The following TOP2A variants were observed in gnomAD, a reference collection of about 807,000 sequenced individuals.
TOP2A encodes DNA topoisomerase 2-alpha.
A neutral mutation model predicts 187.2 loss-of-function variants in TOP2A; 68 were observed. That is an observed-to-expected ratio of 0.36 (90% CI 0.30 to 0.44). The LOEUF is 0.44. TOP2A is among the 20% of genes least tolerant of loss of function. The probability of loss-of-function intolerance (pLI) is 1.00; values close to 1 mark genes in which losing one functional copy is unlikely to be tolerated. For missense variants in TOP2A, 1,196 were observed against 1,808.7 expected, an observed-to-expected ratio of 0.66 and a Z score of 6.14; for synonymous variants, 542 against 593.2, an observed-to-expected ratio of 0.91 and a Z score of 1.25.
At chr17:40,395,281 CAAAAAAA>C (rs755789593) in intron 29 of TOP2A, among the ~76,000 whole-genome samples, 161 bp downstream of exon 29, 1 of 54,856 alleles carries the variant, frequency 1.8e-5, no homozygotes, top group Admixed American at 1.9e-4. Flanking sequence ...GAAACTGTCT[CAAAAAAA>C]AAAAAAAAAA....
chr17:40,395,231 C>A (rs1411901458), intron 29 of TOP2A, among the ~76,000 whole-genome samples: 1 of 141,280 alleles, frequency 7.1e-6, no homozygotes, highest in Middle Eastern at 4.2e-3. Context: ...TGCAGTGAGC[C>A]GAGATTGTGC....
Position 40,400,334 on chromosome 17 carries a change from C to G in TOP2A, c.2875G>C (p.Glu959Gln). ...TTCACAGTGGTATCTGTATGGTATT[C>G]CCTATAGTCTGTTATGAGAGGAGGT... ...KTPPLITDYR[E>Q]YHTDTTVKFV... The change falls in exon 23 of 35, where the codon GAA (glutamate) becomes CAA (glutamine). Residue 959 changes from glutamate to glutamine, a missense_variant. Transcript: ENST00000423485. 1 of 1,613,446 alleles carries G rather than the reference C, an allele frequency of 6.2e-7. No individual in the cohort carries two copies. The highest frequency in any genetic ancestry group is 8.5e-7 in the Non-Finnish European group (1 of 1,179,786).
At chr17:40,391,447 A>C in intron 33 of TOP2A, 59 bp downstream of exon 33, 1 of 1,493,586 alleles carries the variant, frequency 6.7e-7, no homozygotes, top group Non-Finnish European at 9.0e-7. Context: ...ATTGAAATAG[A>C]CACGTGGAAA....
At chr17:40,397,030 A>C in intron 27 of TOP2A, among the ~76,000 whole-genome samples, 1 of 151,468 alleles carries the variant, frequency 6.6e-6, no homozygotes, top group East Asian at 1.9e-4. Flanking sequence ...CTATAGGCCC[A>C]CACCACCATG....
rs1401449422 is a variant in TOP2A, at chr17:40,400,193, C to CA, written c.3000+15dup. ...TATAAATTGAAACGTGTACATCTCACAAAACAAATACATACCATAGAGTTG... is the reference window on the plus strand; with the variant it reads ...TATAAATTGAAACGTGTACATCTCACAAAAACAAATACATACCATAGAGTTG... On this transcript the variant is annotated intron_variant, in intron 23 of 34. Coordinates refer to ENST00000423485, the MANE Select transcript of TOP2A (RefSeq NM_001067.4). The CA allele has an allele frequency of 3.1e-6, 5 of 1,612,804 alleles. No individual in the cohort carries two copies. The highest frequency in any genetic ancestry group is 4.2e-6 in the Non-Finnish European group (5 of 1,178,966).
chr17:40,417,851 G>C lies in TOP2A; in HGVS notation c.-60C>G, dbSNP rs1010543756. Reference sequence around the variant, plus strand: ...AGCGACTAAACAGGCAGGACCCCACGAGACCACCCCCGACCAAGCCGCTTC... The same window carrying C: ...AGCGACTAAACAGGCAGGACCCCACCAGACCACCCCCGACCAAGCCGCTTC... On this transcript the variant is annotated 5_prime_UTR_variant, in exon 1 of 35. Transcript: ENST00000423485. 6.2e-7 allele frequency: 1 copy of C among 1,607,336 alleles called. No individual in the cohort carries two copies. The highest frequency in any genetic ancestry group is 8.5e-7 in the Non-Finnish European group (1 of 1,176,746).
At chr17:40,416,688 G>A in intron 2 of TOP2A, 52 bp downstream of exon 2, 2 of 1,577,410 alleles carry the variant, frequency 1.3e-6, no homozygotes, top group African/African-American at 1.4e-5. Context: ...ACAGAAAGAA[G>A]AGTATCCATT....
At chr17:40,415,062 T>G (rs926673489) in intron 4 of TOP2A, among the ~76,000 whole-genome samples, 4 of 151,562 alleles carry the variant, frequency 2.6e-5, no homozygotes, top group Non-Finnish European at 4.4e-5. Context: ...CTCAACTTTT[T>G]TTTTTTTTTT....
rs1598616529 is a variant in TOP2A at position 40,407,962 on chromosome 17, T to C, written c.1500+5A>G. 3 of 1,610,044 alleles carry C rather than the reference T, an allele frequency of 1.9e-6. No individual in the cohort carries two copies. The highest frequency in any genetic ancestry group is 2.5e-6 in the Non-Finnish European group (3 of 1,178,138). ...TTAGATTCTGAAGATCGTCTTATATTCTACCTGCTTATGAGAAGCTTCTCG... is the reference window on the plus strand; with the variant it reads ...TTAGATTCTGAAGATCGTCTTATATCCTACCTGCTTATGAGAAGCTTCTCG... On this transcript the variant is annotated splice_donor_5th_base_variant and intron_variant, in intron 12 of 34. Coordinates refer to ENST00000423485, the MANE Select transcript of TOP2A (RefSeq NM_001067.4).
chr17:40,399,308 C>A (rs1418414876), intron 24 of TOP2A, 177 bp from the exon 25 acceptor site: 2 of 581,628 alleles, frequency 3.4e-6, no homozygotes, highest in Non-Finnish European at 6.0e-6. Flanking sequence ...ATGTAAATTA[C>A]CACAAGGGGG....
intron 3 of TOP2A, 38 bp downstream of exon 3, chr17:40,416,384 A>G (rs751333116): frequency 7.9e-7 from 1 of 1,266,336 alleles, no homozygotes; most frequent in Non-Finnish European, 1.1e-6. Context: ...TTCTTATGAA[A>G]GATTTGACCA....
intron 28 of TOP2A, 103 bp downstream of exon 28, chr17:40,396,180 C>T: frequency 3.3e-6 from 2 of 611,796 alleles, no homozygotes; most frequent in South Asian, 2.3e-5. Context: ...AGGGTTTCAA[C>T]CATGTTGGGA....
At chr17:40,413,820 G>A (rs2035354976) in intron 4 of TOP2A, among the ~76,000 whole-genome samples, 195 bp from the exon 5 acceptor site, 1 of 152,108 alleles carries the variant, frequency 6.6e-6, no homozygotes, top group Non-Finnish European at 1.5e-5. Flanking sequence ...CCAACATGTT[G>A]AAACCGTCTC....
Position 40,408,114 on chromosome 17 carries a change from G to C in TOP2A, c.1353C>G (p.Asn451Lys). Residue 451 changes from asparagine (N) to lysine (K), a missense_variant, in exon 12 of 35, where the codon AAC (asparagine) becomes AAG (lysine). By Grantham distance (94) the Asn-to-Lys change is moderately conservative (BLOSUM62 0). This residue lies in a region of TOP2A where 252 missense variants were observed against 434.8 expected (regional missense o/e 0.58). Coordinates refer to ENST00000423485, the MANE Select transcript of TOP2A (RefSeq NM_001067.4). ...LDDANDAGGR[N>K]STECTLILTE... is the part of the protein sequence containing the mutation. Reference sequence around the variant, plus strand: ...TCAGGATAAGCGTACACTCAGTGGAGTTTCGGCCCCCTAAAATAAAAATAT... The same window carrying C: ...TCAGGATAAGCGTACACTCAGTGGACTTTCGGCCCCCTAAAATAAAAATAT... The C allele has an allele frequency of 6.3e-7, 1 of 1,592,976 alleles. No homozygotes were observed.
chr17:40,401,045 A>G lies in TOP2A; in HGVS notation c.2469T>C (p.Asp823=). 6.2e-7 allele frequency: 1 copy of G among 1,613,884 alleles called. No homozygotes were observed. The highest frequency in any genetic ancestry group is 8.5e-7 in the Non-Finnish European group (1 of 1,179,832). ...LARLLFPPKD[D]HTLKFLYDDN... The stretch of plus-strand genomic sequence containing the variant: ...CATCATATAAAAACTTCAACGTGTG[A>G]TCATCTTTTGGTGGAAATAACAATC... The change falls in exon 21 of 35, where the codon GAT becomes GAC. Residue 823 remains aspartate (D), a synonymous_variant. Transcript: ENST00000423485.
chr17:40,395,420 A>G (rs767949851), intron 29 of TOP2A, 29 bp downstream of exon 29: 45 of 1,462,040 alleles, frequency 3.1e-5, no homozygotes, highest in Admixed American at 5.6e-5. Flanking sequence ...TCTTCACTTT[A>G]TACCATTTTT....
chr17:40,415,461 C>G (rs1045811236), intron 4 of TOP2A, among the ~76,000 whole-genome samples: 1 of 152,168 alleles, frequency 6.6e-6, no homozygotes, highest in African/African-American at 2.4e-5. Flanking sequence ...GCACCCTGAT[C>G]ACCCACTAAG....
intron 33 of TOP2A, 185 bp downstream of exon 33, chr17:40,391,321 T>TA (rs2035019531): frequency 5.2e-6 from 3 of 574,038 alleles, no homozygotes; most frequent in Non-Finnish European, 5.9e-6. Flanking sequence ...AGAGATAACT[T>TA]ACTGTTTTGG....
intron 24 of TOP2A, 37 bp downstream of exon 24, chr17:40,399,835 A>T: frequency 6.5e-7 from 1 of 1,527,894 alleles, no homozygotes. Flanking sequence ...TGGCGTAACT[A>T]GAGTTTTAGT....
Sources: allele counts gnomAD v4.1 joint callset (sites outside exome capture counted in the v4.1 genomes callset), GRCh38; gene constraint gnomAD v4.1.1; regional missense constraint gnomAD v4.1.1; transcripts MANE v1.5; gene names NCBI Gene and HGNC (gene_info 2026-07-23, HGNC 2026-07-21).